Variants in PYHIN1 observed in about 807,000 individuals in gnomAD.
The protein encoded by PYHIN1 is pyrin and HIN domain family member 1.
PYHIN1 carries 32 observed loss-of-function variants against 43.7 expected under a neutral mutation model. The observed-to-expected ratio is 0.73, with a 90% CI of 0.55 to 0.98. PYHIN1 has a LOEUF of 0.98. Ranked by LOEUF, PYHIN1 falls within the 50% of genes least tolerant of loss-of-function variation. PYHIN1 has a pLI of 0.00. For missense variants in PYHIN1, 588 were observed against 589.5 expected (o/e 1.00, Z 0.03); for synonymous variants, 205 against 203.1 (o/e 1.01, Z -0.08).
intron 7 of PYHIN1, among the ~76,000 whole-genome samples, chr1:158,967,233 G>A (rs1279830386): frequency 1.3e-5 from 2 of 152,046 alleles, no homozygotes; most frequent in South Asian, 4.1e-4. Flanking sequence ...AATGTAGTCT[G>A]TTTTGTATAT....
the PYHIN1 span, among the ~76,000 whole-genome samples, chr1:158,985,423 C>T: frequency 1.4e-3 from 213 of 152,226 alleles, no homozygotes; most frequent in Admixed American, 2.6e-3. Flanking sequence ...CTTGGTTCGG[C>T]TGGATATGAA....
At position 158,976,719 on chromosome 1, in the gene PYHIN1, A is replaced by G. The variant is rs746993466; in HGVS notation, c.*24A>G. 2.5e-6 allele frequency: 4 copies of G among 1,604,028 alleles called. No homozygotes were observed. The African/African-American group carries it at 4.0e-5, about 16-fold the overall frequency. On this transcript the variant is annotated 3_prime_UTR_variant, in exon 9 of 9. Transcript: ENST00000368140. ...CTTCAAGGTCACCAAGGACAAGGATATCAAATAACTACTGTTCAATCTTTA... is the reference window on the plus strand; with the variant it reads ...CTTCAAGGTCACCAAGGACAAGGATGTCAAATAACTACTGTTCAATCTTTA...
At chr1:158,989,374 G>T in the PYHIN1 span, among the ~76,000 whole-genome samples, 1 of 152,120 alleles carries the variant, frequency 6.6e-6, no homozygotes, top group Non-Finnish European at 1.5e-5. Flanking sequence ...TGGTTGAACT[G>T]TAACCTCCCA....
chr1:158,962,804 C>A (rs543033801), intron 7 of PYHIN1, among the ~76,000 whole-genome samples: 14 of 152,274 alleles, frequency 9.2e-5, no homozygotes, highest in African/African-American at 3.4e-4. Flanking sequence ...AACAGCTGCC[C>A]CACCCATGGC....
chr1:158,976,915 T>TATATAC lies in PYHIN1; in HGVS notation c.*221_*222insTATACA, dbSNP rs1289638954. 1.7e-4 allele frequency: 36 copies of TATATAC among 215,000 alleles called. No individual in the cohort carries two copies. The highest frequency in any genetic ancestry group is 9.6e-4 in the African/African-American group (34 of 35,496). 13.3% of individuals were successfully genotyped at this position (215,000 alleles called of 1,614,324 possible). A position where few individuals can be genotyped will look rare whatever the true frequency, so the allele number is the denominator to read the frequency against. On this transcript the variant is annotated 3_prime_UTR_variant, in exon 9 of 9. Coordinates refer to ENST00000368140, the MANE Select transcript of PYHIN1 (RefSeq NM_152501.5). ...ATATATATATATATATATATATATA[T>TATATAC]ACCAGCTATTAATTCTAGGAAATGG...
intron 6 of PYHIN1, 64 bp downstream of exon 6, chr1:158,944,042 G>A (rs1571733011): frequency 7.2e-7 from 1 of 1,388,182 alleles, no homozygotes; most frequent in Non-Finnish European, 9.8e-7. Flanking sequence ...TAAGTTTTAG[G>A]AAGCCATACT....
chr1:158,956,112 T>C (rs893880706), intron 7 of PYHIN1, among the ~76,000 whole-genome samples: 12 of 141,308 alleles, frequency 8.5e-5, no homozygotes, highest in African/African-American at 3.2e-4. Context: ...CAATAATCAA[T>C]AGTTCACCAA....
rs766669630 is a variant in PYHIN1, at chr1:158,937,099, C to A, written c.189C>A (p.Gly63=). ...AGTTCCCAGGTGATGCCGGTTTGGGCAAACTAATAGAATTCTTCAAAGAAA... is the reference window on the plus strand; with the variant it reads ...AGTTCCCAGGTGATGCCGGTTTGGGAAAACTAATAGAATTCTTCAAAGAAA... The part of the protein sequence containing the change: ...EEKFPGDAGL[G]KLIEFFKEIP... The change falls in exon 2 of 9, where the codon GGC becomes GGA. Residue 63 remains glycine, a synonymous_variant. Transcript: ENST00000368140. The A allele has an allele frequency of 1.2e-6, 2 of 1,613,666 alleles. No individual in the cohort carries two copies. Among genetic ancestry groups the A allele is most frequent in the East Asian group, 4.5e-5 (2 of 44,868 alleles).
the PYHIN1 span, among the ~76,000 whole-genome samples, chr1:158,986,698 G>T: frequency 6.6e-6 from 1 of 152,318 alleles, no homozygotes; most frequent in Non-Finnish European, 1.5e-5. Flanking sequence ...TCCAGCCCTT[G>T]CAGCCAACAA....
chr1:158,979,500 A>G (rs1335438051), downstream of PYHIN1, among the ~76,000 whole-genome samples: 9 of 152,222 alleles, frequency 5.9e-5, no homozygotes, highest in Non-Finnish European at 1.2e-4. Context: ...TAACTATTGC[A>G]GAATTTCCTT....
chr1:158,961,757 T>C (rs747031316), intron 7 of PYHIN1, among the ~76,000 whole-genome samples: 1 of 152,058 alleles, frequency 6.6e-6, no homozygotes, highest in African/African-American at 2.4e-5. Context: ...GAAAGCTAAG[T>C]GGAGCCTGGG....
chr1:158,970,684 G>T (rs1433470786), intron 7 of PYHIN1, among the ~76,000 whole-genome samples: 2 of 150,030 alleles, frequency 1.3e-5, no homozygotes, highest in Non-Finnish European at 3.0e-5. Flanking sequence ...TTCTACAACT[G>T]GGTCAACATA....
the PYHIN1 span, among the ~76,000 whole-genome samples, chr1:158,982,209 C>A: frequency 6.6e-5 from 10 of 152,060 alleles, no homozygotes; most frequent in Non-Finnish European, 1.3e-4. Flanking sequence ...GAAGTCTTTG[C>A]CAAGGCTAAT....
chr1:158,944,147 T>C (rs568683696), intron 6 of PYHIN1, among the ~76,000 whole-genome samples, 169 bp downstream of exon 6: 1 of 152,266 alleles, frequency 6.6e-6, no homozygotes, highest in East Asian at 1.9e-4. Flanking sequence ...TTAAAATATA[T>C]TAAGAGATGG....
chr1:158,990,722 A>C, the PYHIN1 span, among the ~76,000 whole-genome samples: 1 of 152,120 alleles, frequency 6.6e-6, no homozygotes, highest in African/African-American at 2.4e-5. Flanking sequence ...ACTCTCTACC[A>C]CTATGAGATC....
chr1:158,990,314 A>G, the PYHIN1 span, among the ~76,000 whole-genome samples: 15 of 152,204 alleles, frequency 9.9e-5, no homozygotes, highest in African/African-American at 3.6e-4. Flanking sequence ...CTGTGTTATG[A>G]GATGGTGAGT....
intron 1 of PYHIN1, among the ~76,000 whole-genome samples, chr1:158,932,634 G>A (rs372680254): frequency 6.6e-6 from 1 of 152,110 alleles, no homozygotes; most frequent in South Asian, 2.1e-4. Context: ...TTCTACAAGT[G>A]CAAACACATA....
rs192234113 is a variant in PYHIN1, at chr1:158,970,278, T to C, written c.1360-3369T>C. 6.6e-5 allele frequency among the ~76,000 whole-genome samples: 10 copies of C among 152,146 alleles called. No individual in the cohort carries two copies. The East Asian group carries it at 1.9e-3, about 29-fold the overall frequency. On this transcript the variant is annotated intron_variant, in intron 7 of 8. Coordinates refer to ENST00000368140, the MANE Select transcript of PYHIN1 (RefSeq NM_152501.5). ...TCTGTAATGAAAATGTTTTTGTTTA[T>C]ATTTTATTATGTATATTTGTTAATG...
chr1:158,944,350 G>A (rs191754637), intron 6 of PYHIN1, among the ~76,000 whole-genome samples: 45 of 152,296 alleles, frequency 3.0e-4, no homozygotes, highest in African/African-American at 1.0e-3. Flanking sequence ...CACACAATTG[G>A]TTTGAAAATT....
Sources: gnomAD v4.1 joint callset for allele counts (sites outside exome capture counted in the v4.1 genomes callset) on GRCh38, gnomAD v4.1.1 for gene constraint, MANE v1.5 for transcripts, NCBI Gene and HGNC (gene_info 2026-07-23, HGNC 2026-07-21) for gene names.